SOAT2: variants seen among roughly 807,000 people sequenced by gnomAD.
SOAT2 encodes sterol O-acyltransferase 2.
In SOAT2, 87 loss-of-function variants were observed where a neutral mutation model predicts 76.0. The ratio of observed to expected loss-of-function variants is 1.14; its 90% CI spans 0.96 to 1.37. The LOEUF is 1.37. SOAT2 is among the 40% of genes most tolerant of loss of function. The pLI is 0.00. For missense variants in SOAT2, 686 were observed against 682.1 expected, an observed-to-expected ratio of 1.01 and a Z score of -0.06; for synonymous variants, 285 against 275.4, an observed-to-expected ratio of 1.03 and a Z score of -0.34.
chr12:53,115,748 C>A, intron 6 of SOAT2, 94 bp downstream of exon 6: 2 of 1,372,470 alleles, frequency 1.5e-6, no homozygotes, highest in South Asian at 3.1e-5. Flanking sequence ...GCGGGGCCCA[C>A]GAGAGGGAGG....
In SOAT2 at chr12:53,107,622, C is replaced by CTTTTTTTTTTTTTTTTTTTTTTT. The variant is rs1303838303; in HGVS notation, c.443+1626_443+1627insTTTTTTTTTTTTTTTTTTTTTTT. Among the ~76,000 whole-genome samples, 13 of 117,026 alleles carry CTTTTTTTTTTTTTTTTTTTTTTT rather than the reference C, an allele frequency of 1.1e-4. 2 individuals carry two copies. Among genetic ancestry groups the CTTTTTTTTTTTTTTTTTTTTTTT allele is most frequent in the African/African-American group, 2.9e-4 (8 of 27,210 alleles). 76.8% of individuals were successfully genotyped at this position (117,026 alleles called of 152,430 possible). A position where few individuals can be genotyped will look rare whatever the true frequency, so the allele number is the denominator to read the frequency against. On this transcript the variant is annotated intron_variant, in intron 5 of 14. Transcript: ENST00000301466. ...AGACTAGAATTTAACAACAGATGTA[C>CTTTTTTTTTTTTTTTTTTTTTTT]TTTTTTTTTTTTTTTTTTGAGACAG...
chr12:53,120,459 C>T lies in SOAT2; in HGVS notation c.1040-327C>T, dbSNP rs557983470. On this transcript the variant is annotated intron_variant, in intron 10 of 14. Coordinates refer to ENST00000301466, the MANE Select transcript of SOAT2 (RefSeq NM_003578.4). ...ACTCCAGACTGGGAGAGAGAGACTC[C>T]GTCTCAAAAAAATAATAATAATAAA... Among the ~76,000 whole-genome samples, 29 of 151,458 alleles carry T rather than the reference C, an allele frequency of 1.9e-4. No homozygotes were observed. The East Asian group carries it at 4.9e-3, about 25-fold the overall frequency.
Sources: gnomAD v4.1 joint callset for allele counts (sites outside exome capture counted in the v4.1 genomes callset) on GRCh38, gnomAD v4.1.1 for gene constraint, MANE v1.5 for transcripts, NCBI Gene and HGNC (gene_info 2026-07-23, HGNC 2026-07-21) for gene names.